Variants in CLPB observed in about 807,000 individuals in gnomAD.
CLPB encodes the protein mitochondrial disaggregase.
In CLPB, 40 loss-of-function variants were observed where a neutral mutation model predicts 78.4. That is an observed-to-expected ratio of 0.51 (90% confidence interval 0.40 to 0.66). The LOEUF (loss-of-function observed/expected upper bound fraction) is 0.66. Ranked by LOEUF, CLPB falls within the 30% of genes least tolerant of loss-of-function variation. CLPB has a pLI of 0.00. For synonymous variants in CLPB, 333 were observed against 348.0 expected (o/e 0.96, Z 0.48); for missense variants, 780 against 886.9 (o/e 0.88, Z 1.53).
intron 3 of CLPB, among the ~76,000 whole-genome samples, chr11:72,394,134 C>T (rs543279580): frequency 6.6e-6 from 1 of 152,230 alleles, no homozygotes; most frequent in South Asian, 2.1e-4. Context: ...ATATAGATGT[C>T]ATTAGAGACA....
chr11:72,401,522 G>C (rs1046339104), intron 3 of CLPB, among the ~76,000 whole-genome samples: 2 of 152,136 alleles, frequency 1.3e-5, no homozygotes, highest in African/African-American at 2.4e-5. Flanking sequence ...TCAGGAAACC[G>C]AGTGACTAAG....
chr11:72,381,793 CT>C (rs2135680635), intron 3 of CLPB, among the ~76,000 whole-genome samples: 1 of 152,270 alleles, frequency 6.6e-6, no homozygotes, highest in Non-Finnish European at 1.5e-5. Flanking sequence ...GTCAGTACCC[CT>C]GGCCTTAGGC....
intron 1 of CLPB, among the ~76,000 whole-genome samples, chr11:72,432,671 C>T (rs1404757965): frequency 1.3e-5 from 2 of 152,192 alleles, no homozygotes; most frequent in South Asian, 2.1e-4. Flanking sequence ...AAGCTCGATG[C>T]CCTTAGTGTC....
At chr11:72,334,671 C>A (rs1181200301) in intron 5 of CLPB, among the ~76,000 whole-genome samples, 1 of 152,258 alleles carries the variant, frequency 6.6e-6, no homozygotes, top group Non-Finnish European at 1.5e-5. Flanking sequence ...CCTTGCCTCC[C>A]ACCCAGGGCC....
chr11:72,345,873 C>T (rs1950503564), intron 5 of CLPB, among the ~76,000 whole-genome samples: 1 of 152,162 alleles, frequency 6.6e-6, no homozygotes, highest in Non-Finnish European at 1.5e-5. Context: ...CAAACAAATC[C>T]TGACCTGAAC....
chr11:72,421,005 C>T (rs1224120516), intron 2 of CLPB, among the ~76,000 whole-genome samples: 4 of 152,116 alleles, frequency 2.6e-5, no homozygotes, highest in Admixed American at 2.0e-4. Flanking sequence ...ACTAAAAATA[C>T]AAAATTAGCC....
At chr11:72,406,679 A>G (rs1049783889) in intron 2 of CLPB, among the ~76,000 whole-genome samples, 1 of 152,240 alleles carries the variant, frequency 6.6e-6, no homozygotes, top group Non-Finnish European at 1.5e-5. Flanking sequence ...GTGATCACAC[A>G]GGATGACCTG....
chr11:72,345,714 A>C (rs1311926819), intron 5 of CLPB, among the ~76,000 whole-genome samples: 1 of 152,232 alleles, frequency 6.6e-6, no homozygotes, highest in Non-Finnish European at 1.5e-5. Context: ...AAAAATCCTA[A>C]AACTGAGAGC....
At chr11:72,372,816 G>A (rs1189704566) in intron 4 of CLPB, 1 of 984,396 alleles carries the variant, frequency 1.0e-6, no homozygotes, top group Non-Finnish European at 1.6e-6. Context: ...TGGGCACACA[G>A]TGGGTGCTGG....
In CLPB at chr11:72,293,630, G is replaced by A; in HGVS notation, c.1786-15C>T. ...CGGCGTTCTACCTGTCGGTGGGGAGGTGAAGTGGTCACTCCCTCGGCCTGG... is the reference window on the plus strand; with the variant it reads ...CGGCGTTCTACCTGTCGGTGGGGAGATGAAGTGGTCACTCCCTCGGCCTGG... On this transcript the variant is annotated splice_polypyrimidine_tract_variant and intron_variant, in intron 15 of 15. Coordinates refer to ENST00000538039, the MANE Select transcript of CLPB (RefSeq NM_001258392.3). 4 of 1,604,956 alleles carry A rather than the reference G, an allele frequency of 2.5e-6. No individual in the cohort carries two copies. The highest frequency in any genetic ancestry group is 3.4e-6 in the Non-Finnish European group (4 of 1,173,388).
At chr11:72,342,098 C>T (rs1950430659) in intron 5 of CLPB, among the ~76,000 whole-genome samples, 1 of 152,138 alleles carries the variant, frequency 6.6e-6, no homozygotes, top group Admixed American at 6.5e-5. Context: ...GACCAGTAGA[C>T]AACCATACTA....
intron 11 of CLPB, among the ~76,000 whole-genome samples, chr11:72,300,551 G>C (rs1181275722): frequency 6.6e-6 from 1 of 152,204 alleles, no homozygotes; most frequent in Non-Finnish European, 1.5e-5. Flanking sequence ...GGGCTAGGAA[G>C]ATACAACGGA....
At chr11:72,383,815 G>A (rs1173551957) in intron 3 of CLPB, among the ~76,000 whole-genome samples, 2 of 152,142 alleles carry the variant, frequency 1.3e-5, no homozygotes, top group Admixed American at 1.3e-4. Context: ...CACCAGACCT[G>A]TCTTATATTT....
At position 72,293,124 on chromosome 11, in the gene CLPB, C is replaced by T. The variant is rs116451001; in HGVS notation, c.*243G>A. 3.3e-3 allele frequency: 1,550 copies of T among 468,362 alleles called. 19 individuals carry two copies. The highest frequency in any genetic ancestry group is 0.028 in the African/African-American group (1,434 of 51,920). The allele number at this position is 468,362 out of a possible 1,614,324, so 29.0% of individuals were successfully genotyped here. A position where few individuals can be genotyped will look rare whatever the true frequency, so the allele number is the denominator to read the frequency against. ...CCTTGCCTTGAAGGGGGTGGAAAGG[C>T]AGCTCCTCTCCTGAAGGCTTGTTAG... On this transcript the variant is annotated 3_prime_UTR_variant, in exon 16 of 16. Transcript: ENST00000538039.
At chr11:72,299,109 G>A (rs774490180) in intron 11 of CLPB, among the ~76,000 whole-genome samples, 1 of 152,082 alleles carries the variant, frequency 6.6e-6, no homozygotes, top group Non-Finnish European at 1.5e-5. Context: ...TTCAATCTGC[G>A]GCTTCCCACT....
chr11:72,348,623 C>G (rs1048272289), intron 5 of CLPB, among the ~76,000 whole-genome samples: 3 of 152,212 alleles, frequency 2.0e-5, no homozygotes, highest in African/African-American at 7.2e-5. Context: ...CTCTCCCCTC[C>G]TCATTCCCCA....
intron 2 of CLPB, among the ~76,000 whole-genome samples, chr11:72,405,107 CAG>C (rs1855670553): frequency 1.3e-5 from 2 of 152,202 alleles, no homozygotes; most frequent in Admixed American, 1.3e-4. Context: ...TGAAGAAAAT[CAG>C]AGGCTTCTGA....
intron 14 of CLPB, 64 bp from the exon 15 acceptor site, chr11:72,294,190 T>C: frequency 6.2e-7 from 1 of 1,607,550 alleles, no homozygotes. Context: ...CTTGCCACTC[T>C]GGCCTGAGGC....
At chr11:72,313,648 G>A (rs1376353384) in intron 7 of CLPB, among the ~76,000 whole-genome samples, 2 of 152,218 alleles carry the variant, frequency 1.3e-5, no homozygotes, top group Non-Finnish European at 2.9e-5. Flanking sequence ...GAGGACTGAG[G>A]AGGGCAACCT....
Sources: gnomAD v4.1 joint callset for allele counts (sites outside exome capture counted in the v4.1 genomes callset) on GRCh38, gnomAD v4.1.1 for gene constraint, MANE v1.5 for transcripts, NCBI Gene and HGNC (gene_info 2026-07-23, HGNC 2026-07-21) for gene names.